PLXNA2: variants seen among roughly 807,000 people sequenced by gnomAD.
The protein encoded by PLXNA2 is plexin A2.
Under a neutral mutation model 193.5 loss-of-function variants are expected in PLXNA2, and 91 were observed. The ratio of observed to expected loss-of-function variants is 0.47; its 90% CI spans 0.40 to 0.56. The LOEUF (loss-of-function observed/expected upper bound fraction) is 0.56, where lower values mean the gene tolerates loss of function less well. Ranked by LOEUF, PLXNA2 falls within the 20% of genes least tolerant of loss-of-function variation. The pLI is 0.00. For synonymous variants in PLXNA2, 997 were observed against 1,027.3 expected (o/e 0.97, Z 0.56); for missense variants, 1,995 against 2,503.2 (o/e 0.80, Z 4.33).
intron 1 of PLXNA2, among the ~76,000 whole-genome samples, chr1:208,225,693 C>T (rs550256932): frequency 6.6e-6 from 1 of 152,166 alleles, no homozygotes; most frequent in South Asian, 2.1e-4. Flanking sequence ...ATCTGGTGTC[C>T]TTATAAAAAG....
At chr1:208,041,558 C>T (rs978185809) in intron 22 of PLXNA2, among the ~76,000 whole-genome samples, 17 of 152,308 alleles carry the variant, frequency 1.1e-4, no homozygotes, top group African/African-American at 3.6e-4. Flanking sequence ...TCTATCTGTG[C>T]GGTCCCGTAT....
At position 208,030,872 on chromosome 1, in the gene PLXNA2, G is replaced by T. The variant is rs1038067158; in HGVS notation, c.5225+718C>A. 34 of 985,434 alleles carry T rather than the reference G, an allele frequency of 3.5e-5. No individual in the cohort carries two copies. In the African/African-American group the frequency reaches 4.5e-4, roughly 13 times the overall value. The allele number at this position is 985,434 out of a possible 1,614,324, so 61.0% of individuals were successfully genotyped here. On this transcript the variant is annotated intron_variant, in intron 29 of 31. Coordinates refer to ENST00000367033, the MANE Select transcript of PLXNA2 (RefSeq NM_025179.4). ...AAAGCCAGTCCTTAGCTTGGTCTGT[G>T]GTCCAGGTTCAAAACCCATGAGGAT...
chr1:208,185,081 A>G (rs1487647206), intron 3 of PLXNA2, among the ~76,000 whole-genome samples: 1 of 151,902 alleles, frequency 6.6e-6, no homozygotes, highest in Non-Finnish European at 1.5e-5. Flanking sequence ...TGCCTCTCAC[A>G]CTCTGCTCTG....
chr1:208,100,369 AG>A (rs1326911516), intron 5 of PLXNA2, among the ~76,000 whole-genome samples: 1 of 152,068 alleles, frequency 6.6e-6, no homozygotes, highest in African/African-American at 2.4e-5. Flanking sequence ...GAAAAAAAAA[AG>A]GAGGAGGAGG....
Position 208,038,061 on chromosome 1 carries a change from T to TTTGTTG in PLXNA2, c.4764+304_4764+309dup, listed in dbSNP as rs1012839601. On this transcript the variant is annotated intron_variant, in intron 26 of 31. Transcript: ENST00000367033. The surrounding 1 kb of genome is among the most constrained non-coding windows in gnomAD (Gnocchi z 4.1). Reference sequence around the variant, plus strand: ...AGGGCTTTGCAATATGCATTTGATTTTTGTTGTTGTTGTTGTTTTGTTTTG... The same window carrying TTTGTTG: ...AGGGCTTTGCAATATGCATTTGATTTTTGTTGTTGTTGTTGTTGTTGTTTTGTTTTG... Among the ~76,000 whole-genome samples, 1 of 152,178 alleles carries TTTGTTG rather than the reference T, an allele frequency of 6.6e-6. No individual in the cohort carries two copies. Among genetic ancestry groups the TTTGTTG allele is most frequent in the Non-Finnish European group, 1.5e-5 (1 of 68,018 alleles).
rs751491122 is a variant in PLXNA2, at chr1:208,082,372, C to G, written c.2395+40G>C. On this transcript the variant is annotated intron_variant, in intron 11 of 31. Coordinates refer to ENST00000367033, the MANE Select transcript of PLXNA2 (RefSeq NM_025179.4). This position sits in a 1 kb window ranked among gnomAD's most constrained non-coding sequence, Gnocchi z 4.2. ...CTCTAGCCCCAGTCTTTCCCGGGGT[C>G]GTGAAAAGATCAAACTTCTACCCGG... 5.3e-6 allele frequency: 8 copies of G among 1,520,632 alleles called. No individual in the cohort carries two copies. Among genetic ancestry groups the G allele is most frequent in the Non-Finnish European group, 2.7e-6 (3 of 1,099,584 alleles). The allele number at this position is 1,520,632 out of a possible 1,614,324, so 94.2% of individuals were successfully genotyped here.
intron 12 of PLXNA2, among the ~76,000 whole-genome samples, chr1:208,077,545 C>T (rs536415577): frequency 2.6e-5 from 4 of 152,250 alleles, no homozygotes; most frequent in Non-Finnish European, 4.4e-5. Flanking sequence ...ATTTAAGCTC[C>T]CCCACACCAT....
At chr1:208,200,273 C>A (rs1670500797) in intron 3 of PLXNA2, among the ~76,000 whole-genome samples, 1 of 152,202 alleles carries the variant, frequency 6.6e-6, no homozygotes, top group African/African-American at 2.4e-5. Flanking sequence ...ACTCAGAAGG[C>A]CAGAGCTCCA....
In PLXNA2 at chr1:208,027,165, C is replaced by A; in HGVS notation, c.*78G>T. On this transcript the variant is annotated 3_prime_UTR_variant, in exon 32 of 32. Coordinates refer to ENST00000367033, the MANE Select transcript of PLXNA2 (RefSeq NM_025179.4). ...GCAAGCTCTGGGGCCTGATCCCCAT[C>A]ACTTGTCCTTCCATCTGAGACTCCC... 1 of 1,279,450 alleles carries A rather than the reference C, an allele frequency of 7.8e-7. No homozygotes were observed. Among genetic ancestry groups the A allele is most frequent in the Non-Finnish European group, 1.1e-6 (1 of 886,876 alleles). 79.3% of individuals were successfully genotyped at this position (1,279,450 alleles called of 1,614,324 possible).
At chr1:208,158,539 C>T (rs1669008263) in intron 3 of PLXNA2, among the ~76,000 whole-genome samples, 1 of 152,154 alleles carries the variant, frequency 6.6e-6, no homozygotes, top group Admixed American at 6.5e-5. Flanking sequence ...TGACCTGTGC[C>T]CAAACCTGGA....
chr1:208,195,653 G>T (rs7520775), intron 3 of PLXNA2, among the ~76,000 whole-genome samples: 13 of 108,174 alleles, frequency 1.2e-4, no homozygotes, highest in Middle Eastern at 8.7e-3. Flanking sequence ...ATGTTTTTTG[G>T]GGGGGGGGGT....
Position 208,082,561 on chromosome 1 carries a change from G to A in PLXNA2, c.2299-53C>T. On this transcript the variant is annotated intron_variant, in intron 10 of 31. Transcript: ENST00000367033. The surrounding 1 kb of genome is among the most constrained non-coding windows in gnomAD (Gnocchi z 4.2). ...GCTCATGTGGCTCTCTATCACAGGG[G>A]TCAGGGATGCAGACAAACCCTGCAT... 1 of 1,306,332 alleles carries A rather than the reference G, an allele frequency of 7.7e-7. No individual in the cohort carries two copies. The highest frequency in any genetic ancestry group is 1.1e-6 in the Non-Finnish European group (1 of 905,484). 80.9% of individuals were successfully genotyped at this position (1,306,332 alleles called of 1,614,324 possible).
At chr1:208,210,118 TAA>T (rs767559914) in intron 3 of PLXNA2, 160 bp downstream of exon 3, 4 of 692,050 alleles carry the variant, frequency 5.8e-6, no homozygotes, top group Non-Finnish European at 1.0e-5. Flanking sequence ...AGCTAGAAGC[TAA>T]GTCACAAAAT....
Position 208,082,267 on chromosome 1 carries a change from T to A in PLXNA2, c.2395+145A>T. ...AGGACTCCTTTGATGACTCCAAATGTTGCTTTAGGATCCTCTGAAGAGTTC... is the reference window on the plus strand; with the variant it reads ...AGGACTCCTTTGATGACTCCAAATGATGCTTTAGGATCCTCTGAAGAGTTC... On this transcript the variant is annotated intron_variant, in intron 11 of 31. Coordinates refer to ENST00000367033, the MANE Select transcript of PLXNA2 (RefSeq NM_025179.4). The surrounding 1 kb of genome is among the most constrained non-coding windows in gnomAD (Gnocchi z 4.2). The A allele has an allele frequency of 1.5e-6, 1 of 669,510 alleles. No homozygotes were observed. The highest frequency in any genetic ancestry group is 1.7e-5 in the South Asian group (1 of 58,722). 41.5% of individuals were successfully genotyped at this position (669,510 alleles called of 1,614,324 possible). A position where few individuals can be genotyped will look rare whatever the true frequency, so the allele number is the denominator to read the frequency against.
At chr1:208,055,626 A>G (rs905133205) in intron 13 of PLXNA2, among the ~76,000 whole-genome samples, 1 of 152,134 alleles carries the variant, frequency 6.6e-6, no homozygotes, top group Non-Finnish European at 1.5e-5. Context: ...AACAGACCCC[A>G]TCTCCACTAA....
chr1:208,034,608 A>G lies in PLXNA2; in HGVS notation c.4765-16T>C. 3 of 1,522,318 alleles carry G rather than the reference A, an allele frequency of 2.0e-6. No homozygotes were observed. Among genetic ancestry groups the G allele is most frequent in the Non-Finnish European group, 2.7e-6 (3 of 1,096,178 alleles). The allele number at this position is 1,522,318 out of a possible 1,614,324, so 94.3% of individuals were successfully genotyped here. ...TGTCTGACACCTGAGAAGGGTACAA[A>G]AGGTACAGTACAAAAGGTGAATGTA... On this transcript the variant is annotated splice_polypyrimidine_tract_variant and intron_variant, in intron 26 of 31. Coordinates refer to ENST00000367033, the MANE Select transcript of PLXNA2 (RefSeq NM_025179.4).
intron 21 of PLXNA2, among the ~76,000 whole-genome samples, chr1:208,042,778 A>T (rs955744656): frequency 2.0e-5 from 3 of 152,266 alleles, no homozygotes; most frequent in Non-Finnish European, 4.4e-5. Context: ...TCTTTAAGCC[A>T]TCTTAAATCC....
chr1:208,214,043 A>T (rs1671046736), intron 2 of PLXNA2, among the ~76,000 whole-genome samples: 1 of 152,198 alleles, frequency 6.6e-6, no homozygotes, highest in Non-Finnish European at 1.5e-5. Flanking sequence ...TGGACTCTGC[A>T]AGCATTTAAC....
intron 3 of PLXNA2, among the ~76,000 whole-genome samples, chr1:208,185,721 A>AAAAAAAAAAAAG (rs1669977326): frequency 8.0e-6 from 1 of 124,520 alleles, no homozygotes; most frequent in African/African-American, 3.0e-5. Context: ...AAAAAAAAGG[A>AAAAAAAAAAAAG]AAAAAAAAAA....
Sources: gnomAD v4.1 joint callset for allele counts (sites outside exome capture counted in the v4.1 genomes callset) on GRCh38, gnomAD v4.1.1 for gene constraint, Gnocchi (gnomAD v3.1) non-coding constraint, MANE v1.5 for transcripts, NCBI Gene and HGNC (gene_info 2026-07-23, HGNC 2026-07-21) for gene names.